SLCO1B3: variants seen among roughly 807,000 people sequenced by gnomAD.
SLCO1B3 encodes solute carrier organic anion transporter family member 1B3, also known as liver-specific organic anion transporter 2.
SLCO1B3 carries 72 observed loss-of-function variants against 71.8 expected under a neutral mutation model. The observed-to-expected ratio is 1.00, with a 90% CI of 0.83 to 1.22. SLCO1B3 has a LOEUF of 1.22. Ranked by LOEUF, SLCO1B3 falls within the 50% of genes most tolerant of loss-of-function variation. The pLI, the probability that SLCO1B3 is intolerant of heterozygous loss-of-function variation, is 0.00. For synonymous variants in SLCO1B3, 298 were observed against 278.4 expected, an observed-to-expected ratio of 1.07 and a Z score of -0.70; for missense variants, 911 against 819.7, an observed-to-expected ratio of 1.11 and a Z score of -1.36.
chr12:20,838,676 A>C (rs1272401738), intron 3 of SLCO1B3, among the ~76,000 whole-genome samples: 1 of 152,052 alleles, frequency 6.6e-6, no homozygotes, highest in Non-Finnish European at 1.5e-5. Flanking sequence ...ATTGTAACAC[A>C]ATAAGTATTT....
rs190649912 is a variant in SLCO1B3 at position 20,893,920 on chromosome 12, T to A, written c.1683-4516T>A. Reference sequence around the variant, plus strand: ...GGAGGGTAATGTTTCAGAACTTTTTTAAAAAACTGCATTTTAGTGGGTTAG... The same window carrying A: ...GGAGGGTAATGTTTCAGAACTTTTTAAAAAAACTGCATTTTAGTGGGTTAG... On this transcript the variant is annotated intron_variant, in intron 13 of 15. Transcript: ENST00000381545. Among the ~76,000 whole-genome samples, 505 of 152,308 alleles carry A rather than the reference T, an allele frequency of 3.3e-3. 5 individuals carry two copies. The highest frequency in any genetic ancestry group is 0.022 in the South Asian group (108 of 4,830).
chr12:20,894,210 T>C (rs1312709963), intron 13 of SLCO1B3, among the ~76,000 whole-genome samples: 1 of 152,188 alleles, frequency 6.6e-6, no homozygotes, highest in Non-Finnish European at 1.5e-5. Flanking sequence ...TTGTGATGAA[T>C]TCATCCTGAG....
chr12:20,849,079 A>C (rs1337222949), intron 3 of SLCO1B3, among the ~76,000 whole-genome samples: 3 of 152,112 alleles, frequency 2.0e-5, no homozygotes, highest in Non-Finnish European at 4.4e-5. Context: ...AATATGTGGA[A>C]GCTCTCTGTA....
chr12:20,886,310 A>G (rs1865792066), intron 13 of SLCO1B3, among the ~76,000 whole-genome samples: 2 of 152,120 alleles, frequency 1.3e-5, no homozygotes, highest in Admixed American at 6.6e-5. Context: ...TAGGAAAATC[A>G]TTAAAGCCAT....
At chr12:20,829,748 TGCTGGTTA>T (rs2121124694) in intron 3 of SLCO1B3, among the ~76,000 whole-genome samples, 1 of 152,338 alleles carries the variant, frequency 6.6e-6, no homozygotes, top group East Asian at 1.9e-4. Context: ...CCCCGAGGGC[TGCTGGTTA>T]CCCATTTTTA....
chr12:20,877,843 C>G lies in SLCO1B3; in HGVS notation c.1042C>G (p.Gln348Glu), dbSNP rs1291285729. Reference protein sequence around the residue: ...YVIFLLLTLLQVSSFIGSFTY... With the variant: ...YVIFLLLTLLEVSSFIGSFTY... ...TATATTTCTGCTTTTGACATTGTTA[C>G]AAGTAAGCAGCTTTATTGGTTCTTT... Residue 348 changes from glutamine to glutamate, a missense_variant, in exon 10 of 16, where the codon CAA becomes GAA. Physicochemically the swap from Gln to Glu is conservative, Grantham distance 29 (BLOSUM62 2). Coordinates refer to ENST00000381545, the MANE Select transcript of SLCO1B3 (RefSeq NM_019844.4). 1 of 1,584,224 alleles carries G rather than the reference C, an allele frequency of 6.3e-7. No individual in the cohort carries two copies.
intron 4 of SLCO1B3, among the ~76,000 whole-genome samples, chr12:20,857,062 G>T (rs927125397): frequency 7.3e-5 from 11 of 151,618 alleles, no homozygotes; most frequent in African/African-American, 2.7e-4. Context: ...AATTTGTCTG[G>T]GTATGGAATT....
chr12:20,868,661 A>G (rs967633089), intron 8 of SLCO1B3, among the ~76,000 whole-genome samples: 1 of 65,646 alleles, frequency 1.5e-5, no homozygotes, highest in Non-Finnish European at 5.5e-5. Context: ...GACACAAGAC[A>G]AAGAGATAAA....
intron 3 of SLCO1B3, among the ~76,000 whole-genome samples, chr12:20,840,363 G>C (rs1864768782): frequency 6.6e-6 from 1 of 151,278 alleles, no homozygotes; most frequent in Non-Finnish European, 1.5e-5. Flanking sequence ...TCTGACTCTG[G>C]ACCATAAATT....
chr12:20,888,763 G>A (rs1362449016), intron 13 of SLCO1B3, among the ~76,000 whole-genome samples: 1 of 151,832 alleles, frequency 6.6e-6, no homozygotes, highest in African/African-American at 2.4e-5. Context: ...CCTCATCTTG[G>A]GTCCATTCTT....
intron 15 of SLCO1B3, among the ~76,000 whole-genome samples, chr12:20,905,398 GTT>G (rs369539773): frequency 2.6e-5 from 4 of 152,298 alleles, no homozygotes; most frequent in African/African-American, 9.6e-5. Context: ...CAGAAAATGA[GTT>G]TTTCTTTTCT....
chr12:20,872,610 T>G (rs2121284970), intron 8 of SLCO1B3, among the ~76,000 whole-genome samples: 1 of 152,062 alleles, frequency 6.6e-6, no homozygotes, highest in South Asian at 2.1e-4. Flanking sequence ...TTGGTACCAC[T>G]GCTGGTTATT....
intron 3 of SLCO1B3, among the ~76,000 whole-genome samples, chr12:20,834,261 T>C (rs377542593): frequency 3.8e-4 from 54 of 142,324 alleles, no homozygotes; most frequent in South Asian, 2.0e-3. Context: ...ATAACCTGTA[T>C]ACATAGTCTT....
At chr12:20,838,495 C>A (rs1045236822) in intron 3 of SLCO1B3, among the ~76,000 whole-genome samples, 1 of 152,000 alleles carries the variant, frequency 6.6e-6, no homozygotes, top group African/African-American at 2.4e-5. Flanking sequence ...GACAGGAATG[C>A]ATTCTGAGAA....
chr12:20,849,181 G>A (rs549523149), intron 3 of SLCO1B3, among the ~76,000 whole-genome samples: 53 of 151,696 alleles, frequency 3.5e-4, no homozygotes, highest in African/African-American at 1.2e-3. Context: ...GAAAATACTA[G>A]CCAATTAATT....
At chr12:20,858,410 A>G (rs758646253) in intron 4 of SLCO1B3, 29 bp from the exon 5 acceptor site, 45 of 1,486,566 alleles carry the variant, frequency 3.0e-5, no homozygotes, top group Admixed American at 8.5e-5. Context: ...ACACTAAGTC[A>G]TATCAACATA....
At chr12:20,873,472 G>T (rs1189908768) in intron 8 of SLCO1B3, among the ~76,000 whole-genome samples, 2 of 152,126 alleles carry the variant, frequency 1.3e-5, no homozygotes, top group African/African-American at 2.4e-5. Flanking sequence ...TCTGGCATAT[G>T]CTGGGTCCTC....
At chr12:20,889,157 C>A (rs915470311) in intron 13 of SLCO1B3, among the ~76,000 whole-genome samples, 2 of 142,972 alleles carry the variant, frequency 1.4e-5, no homozygotes, top group African/African-American at 5.3e-5. Flanking sequence ...GTGTAGTTTT[C>A]TCTTTTATTT....
chr12:20,832,626 T>G (rs1306105046), intron 3 of SLCO1B3, among the ~76,000 whole-genome samples: 1 of 152,208 alleles, frequency 6.6e-6, no homozygotes. Flanking sequence ...ATTCTGGGTC[T>G]CTTTTCTCCG....
Sources: gnomAD v4.1 joint callset for allele counts (sites outside exome capture counted in the v4.1 genomes callset) on GRCh38, gnomAD v4.1.1 for gene constraint, MANE v1.5 for transcripts, NCBI Gene and HGNC (gene_info 2026-07-23, HGNC 2026-07-21) for gene names.